The following CHRNA5 variants were observed in gnomAD, a reference collection of about 807,000 sequenced individuals.
CHRNA5 encodes the protein cholinergic receptor nicotinic alpha 5 subunit.
CHRNA5 carries 28 observed loss-of-function variants against 41.2 expected under a neutral mutation model. That is an observed-to-expected ratio of 0.68 (90% confidence interval 0.50 to 0.93). The LOEUF (loss-of-function observed/expected upper bound fraction) is 0.93, where lower values mean the gene tolerates loss of function less well. Among genes scored for constraint, CHRNA5 ranks in the 40% least tolerant of loss-of-function variants. CHRNA5 has a pLI of 0.00. For synonymous variants in CHRNA5, 188 were observed against 205.8 expected, an observed-to-expected ratio of 0.91 and a Z score of 0.74; for missense variants, 481 against 581.9, an observed-to-expected ratio of 0.83 and a Z score of 1.78.
In CHRNA5 at chr15:78,589,814, A is replaced by G. The variant is rs199714438; in HGVS notation, c.423A>G (p.Gly141=). Residue 141 remains glycine (G), a synonymous_variant, in exon 5 of 6, where the codon GGA becomes GGG. Transcript: ENST00000299565. ...TATGTGTGTATTTTAGTGCAGATGG[A>G]CGTTTTGAAGGGACCAGTACGAAAA... is the stretch of plus-strand genomic sequence containing the variant. 1.1e-4 allele frequency: 176 copies of G among 1,574,794 alleles called. 3 individuals carry two copies. In the South Asian group the frequency reaches 2.0e-3, roughly 18 times the overall value.
chr15:78,581,482 T>A (rs1158868587), intron 2 of CHRNA5, among the ~76,000 whole-genome samples: 1 of 152,220 alleles, frequency 6.6e-6, no homozygotes, highest in Non-Finnish European at 1.5e-5. Context: ...CTATTTAAAC[T>A]AAAACATTCA....
chr15:78,571,712 A>G (rs1333985418), intron 1 of CHRNA5, among the ~76,000 whole-genome samples: 1 of 151,800 alleles, frequency 6.6e-6, no homozygotes, highest in African/African-American at 2.4e-5. Flanking sequence ...GTAAGATATT[A>G]AGTTTACTAA....
At chr15:78,583,152 G>C (rs1444348788) in intron 2 of CHRNA5, among the ~76,000 whole-genome samples, 1 of 152,136 alleles carries the variant, frequency 6.6e-6, no homozygotes, top group Non-Finnish European at 1.5e-5. Flanking sequence ...ACCTAGCACG[G>C]TATCTGGTAC....
chr15:78,593,294 A>G (rs1390421652), exon 6 of CHRNA5: 2 of 1,521,848 alleles, frequency 1.3e-6, no homozygotes, highest in East Asian at 2.3e-5. Flanking sequence ...GTTAACACAC[A>G]TATATCTGAT....
At chr15:78,569,671 G>A (rs2141395828) in intron 1 of CHRNA5, among the ~76,000 whole-genome samples, 1 of 152,120 alleles carries the variant, frequency 6.6e-6, no homozygotes, top group African/African-American at 2.4e-5. Flanking sequence ...CTGACCTCAT[G>A]ACCCGCCCGC....
intron 1 of CHRNA5, among the ~76,000 whole-genome samples, chr15:78,575,568 C>T (rs773938408): frequency 1.3e-4 from 20 of 152,164 alleles, no homozygotes; most frequent in Non-Finnish European, 2.1e-4. Flanking sequence ...CCCAATGCCA[C>T]AAGCATATTC....
chr15:78,586,530 A>C (rs2052963123), intron 2 of CHRNA5, 115 bp from the exon 3 acceptor site: 1 of 618,084 alleles, frequency 1.6e-6, no homozygotes, highest in African/African-American at 1.9e-5. Context: ...TTGATGAATG[A>C]AATGTGGGTA....
rs1332759494 is a variant in CHRNA5, at chr15:78,565,760, T to TGCTCTTGGTCCAGCTTGGTCCA, written c.56_57insTGGTCCAGCTCTTGGTCCAGCT (p.Val20GlyfsTer27). The TGCTCTTGGTCCAGCTTGGTCCA allele has an allele frequency of 3.3e-6, 4 of 1,212,792 alleles. No homozygotes were observed. Among genetic ancestry groups the TGCTCTTGGTCCAGCTTGGTCCA allele is most frequent in the Non-Finnish European group, 4.1e-6 (4 of 975,998 alleles). 75.1% of individuals were successfully genotyped at this position (1,212,792 alleles called of 1,614,324 possible). A position where few individuals can be genotyped will look rare whatever the true frequency, so the allele number is the denominator to read the frequency against. On this transcript the variant is annotated frameshift_variant, in exon 1 of 6. Coordinates refer to ENST00000299565, the Ensembl canonical transcript of CHRNA5. LOFTEE classifies it high-confidence loss of function. Reference sequence around the variant, plus strand: ...TCAGGGCCCCGCGCGCTCCGCCTGCTGCTCTTGGTCCAGCTGGTCGCGGGG... The same window carrying TGCTCTTGGTCCAGCTTGGTCCA: ...TCAGGGCCCCGCGCGCTCCGCCTGCTGCTCTTGGTCCAGCTTGGTCCAGCTCTTGGTCCAGCTGGTCGCGGGG...
In CHRNA5 at chr15:78,590,504, C is replaced by T. The variant is rs1287827346; in HGVS notation, c.1113C>T (p.Asp371=). The T allele has an allele frequency of 6.8e-6, 11 of 1,614,040 alleles. No homozygotes were observed. In the African/African-American group the frequency reaches 9.3e-5, roughly 14 times the overall value. Residue 371 remains aspartate (D), a synonymous_variant, in exon 5 of 6, where the codon GAC becomes GAT. Coordinates refer to ENST00000299565, the Ensembl canonical transcript of CHRNA5. ...TGCTTTGCATGAGAAGTCATGTAGA[C>T]AGGTACTTCACTCAGAAAGAGGAAA... is the stretch of plus-strand genomic sequence containing the variant.
chr15:78,581,126 A>T (rs2052910416), intron 2 of CHRNA5, among the ~76,000 whole-genome samples, 164 bp downstream of exon 2: 1 of 152,278 alleles, frequency 6.6e-6, no homozygotes, highest in Admixed American at 6.5e-5. Flanking sequence ...CACATACATG[A>T]TAACACACTG....
chr15:78,580,820 A>C (rs1185150285), exon 2 of CHRNA5: 2 of 1,612,018 alleles, frequency 1.2e-6, no homozygotes, highest in Non-Finnish European at 1.7e-6. Context: ...GGATTATCTG[A>C]ACCTTCTTCT....
At chr15:78,576,151 T>C (rs909402123) in intron 1 of CHRNA5, among the ~76,000 whole-genome samples, 10 of 152,068 alleles carry the variant, frequency 6.6e-5, no homozygotes, top group African/African-American at 2.4e-4. Flanking sequence ...GTTTTTTTTT[T>C]TGTTGTTGTT....
At chr15:78,581,106 G>C in intron 2 of CHRNA5, 144 bp downstream of exon 2, 1 of 706,232 alleles carries the variant, frequency 1.4e-6, no homozygotes, top group East Asian at 2.6e-5. Flanking sequence ...GGGAAAAGTA[G>C]TGATTGTGTC....
intron 1 of CHRNA5, among the ~76,000 whole-genome samples, chr15:78,566,919 A>T (rs1400137857): frequency 6.6e-6 from 1 of 152,210 alleles, no homozygotes; most frequent in Non-Finnish European, 1.5e-5. Flanking sequence ...GCTCTGGTGC[A>T]TCCTGACTGG....
chr15:78,590,402 T>C, exon 5 of CHRNA5: 1 of 1,614,168 alleles, frequency 6.2e-7, no homozygotes. Context: ...CTATCAACAT[T>C]CATCATCGTT....
intron 2 of CHRNA5, among the ~76,000 whole-genome samples, chr15:78,585,709 A>G (rs1469214776): frequency 6.6e-6 from 1 of 152,166 alleles, no homozygotes; most frequent in Non-Finnish European, 1.5e-5. Flanking sequence ...AGTTCTCTAC[A>G]AAAGTAGGCA....
chr15:78,581,589 A>T (rs1303013878), intron 2 of CHRNA5, among the ~76,000 whole-genome samples: 1 of 152,188 alleles, frequency 6.6e-6, no homozygotes, highest in Non-Finnish European at 1.5e-5. Context: ...ATGTATATTT[A>T]TATATATGTA....
intron 1 of CHRNA5, among the ~76,000 whole-genome samples, chr15:78,572,710 C>T (rs1423126726): frequency 1.3e-5 from 2 of 151,904 alleles, no homozygotes; most frequent in African/African-American, 4.8e-5. Flanking sequence ...CTCGAACTCC[C>T]GACCTCAAGT....
At chr15:78,591,995 G>C (rs888071202) in intron 5 of CHRNA5, among the ~76,000 whole-genome samples, 1 of 152,210 alleles carries the variant, frequency 6.6e-6, no homozygotes, top group Admixed American at 6.5e-5. Flanking sequence ...ATACTACTAG[G>C]ACCAAGGAGG....
Sources: allele counts gnomAD v4.1 joint callset (sites outside exome capture counted in the v4.1 genomes callset), GRCh38; gene constraint gnomAD v4.1.1; transcripts MANE v1.5; gene names NCBI Gene and HGNC (gene_info 2026-07-23, HGNC 2026-07-21).